The following PRSS58 variants were observed in gnomAD, a reference collection of about 807,000 sequenced individuals.
PRSS58 encodes the protein serine protease 58.
A neutral mutation model predicts 25.0 loss-of-function variants in PRSS58; 31 were observed. The ratio of observed to expected loss-of-function variants is 1.24; its 90% CI spans 0.93 to 1.67. The LOEUF is 1.67. PRSS58 is among the 40% of genes most tolerant of loss of function. The pLI is 0.00. For missense variants in PRSS58, 324 were observed against 287.9 expected, an observed-to-expected ratio of 1.13 and a Z score of -0.91; for synonymous variants, 119 against 106.1, an observed-to-expected ratio of 1.12 and a Z score of -0.75.
At chr7:142,254,683 A>C (rs1039003869) in intron 4 of PRSS58, among the ~76,000 whole-genome samples, 1 of 152,194 alleles carries the variant, frequency 6.6e-6, no homozygotes, top group African/African-American at 2.4e-5. Context: ...TCAAAGCTTC[A>C]AGTTGCTTTA....
chr7:142,254,873 T>C (rs1469744898), intron 4 of PRSS58, among the ~76,000 whole-genome samples, 182 bp downstream of exon 4: 1 of 148,988 alleles, frequency 6.7e-6, no homozygotes, highest in Non-Finnish European at 1.5e-5. Context: ...GATAGAAAGA[T>C]ACAGCGGGTG....
intron 2 of PRSS58, among the ~76,000 whole-genome samples, chr7:142,257,368 C>T (rs1477040354): frequency 2.6e-5 from 4 of 152,126 alleles, no homozygotes; most frequent in Non-Finnish European, 2.9e-5. Flanking sequence ...TCTGCTGTGC[C>T]CTCTGTGGTG....
At chr7:142,252,400 A>G (rs767155189) in intron 5 of PRSS58, 30 bp from the exon 6 acceptor site, 2 of 1,611,530 alleles carry the variant, frequency 1.2e-6, no homozygotes, top group Non-Finnish European at 1.7e-6. Context: ...AACAACAACA[A>G]AAAAGCAGAT....
chr7:142,257,629 C>A (rs752401431), intron 2 of PRSS58, 39 bp downstream of exon 2: 3 of 1,565,316 alleles, frequency 1.9e-6, no homozygotes, highest in South Asian at 1.1e-5. Flanking sequence ...CCCAGGATTT[C>A]TCTTTGGTGG....
At position 142,255,088 on chromosome 7, in the gene PRSS58, C is replaced by T; in HGVS notation, c.403G>A (p.Val135Ile). Residue 135 changes from valine (V) to isoleucine (I), a missense_variant, in exon 4 of 6, where the codon GTC becomes ATC. Val to Ile is a conservative substitution (Grantham distance 29). Transcript: ENST00000547058. The part of the protein sequence containing the change: ...QTISENTMCS[V>I]STWSYNVCDI... ...CACACATTGTAGCTCCAGGTAGAGA[C>T]AGAGCACATGGTATTTTCAGAGATA... 2 of 1,613,996 alleles carry T rather than the reference C, an allele frequency of 1.2e-6. No homozygotes were observed. Among genetic ancestry groups the T allele is most frequent in the Non-Finnish European group, 1.7e-6 (2 of 1,179,922 alleles).
rs1165715854 is a variant in PRSS58 at position 142,252,615 on chromosome 7, A to G, written c.437-4T>C. The G allele has an allele frequency of 2.1e-5, 34 of 1,602,832 alleles. No homozygotes were observed. The highest frequency in any genetic ancestry group is 2.7e-5 in the Non-Finnish European group (32 of 1,177,492). ...TGCAGTGAATCGGGCTCTTTGTCTA[A>G]AGAAAAGATAGAAGTCAAACTTCCT... On this transcript the variant is annotated splice_polypyrimidine_tract_variant and splice_region_variant and intron_variant, in intron 4 of 5. Coordinates refer to ENST00000547058, the MANE Select transcript of PRSS58 (RefSeq NM_001001317.5).
At position 142,255,292 on chromosome 7, in the gene PRSS58, C is replaced by T. The variant is rs201700029; in HGVS notation, c.199G>A (p.Gly67Arg). Residue 67 changes from glycine (G) to arginine (R), a missense_variant, in exon 4 of 6, where the codon GGG becomes AGG. Transcript: ENST00000547058. ...TTAGAGTCTGCTGGGATTGTAACCC[C>T]CAATATCACCCGAAGCTTTCTGGAA... The part of the protein sequence containing the change: ...CNLPKLRVIL[G>R]VTIPADSNEK... 3.1e-6 allele frequency: 5 copies of T among 1,613,814 alleles called. No homozygotes were observed. The East Asian group carries it at 8.9e-5, about 29-fold the overall frequency.
In PRSS58 at chr7:142,254,912, A is replaced by T. The variant is rs534075987; in HGVS notation, c.436+143T>A. The stretch of plus-strand genomic sequence containing the variant: ...AAAAAAAACCCAAAAACCTTGAAGC[A>T]CTCCTTCAGTGAGGTACAGAGAAAA... On this transcript the variant is annotated intron_variant, in intron 4 of 5. Transcript: ENST00000547058. The T allele has an allele frequency of 9.2e-6, 7 of 759,926 alleles. No individual in the cohort carries two copies. In the South Asian group the frequency reaches 9.4e-5, roughly 10 times the overall value. The allele number at this position is 759,926 out of a possible 1,614,324, so 47.1% of individuals were successfully genotyped here.
At chr7:142,256,244 A>G (rs952164908) in intron 2 of PRSS58, among the ~76,000 whole-genome samples, 1 of 152,250 alleles carries the variant, frequency 6.6e-6, no homozygotes, top group Admixed American at 6.5e-5. Context: ...TCCTGCTCTC[A>G]TATATTACAA....
chr7:142,257,354 A>G (rs1798575266), intron 2 of PRSS58, among the ~76,000 whole-genome samples: 1 of 152,184 alleles, frequency 6.6e-6, no homozygotes, highest in African/African-American at 2.4e-5. Flanking sequence ...TGATTCTTCA[A>G]TGTTCTGCTG....
In PRSS58 at chr7:142,255,063, C is replaced by T. The variant is rs1250686709; in HGVS notation, c.428G>A (p.Cys143Tyr). ...CSVSTWSYNV[C>Y]DIYKEPDSLQ... ...CATTGTCTTGAACTCACAGATATCA[C>T]ACACATTGTAGCTCCAGGTAGAGAC... The change falls in exon 4 of 6, where the codon TGT (cysteine) becomes TAT (tyrosine). Residue 143 changes from cysteine (C) to tyrosine (Y), a missense_variant. Physicochemically the swap from Cys to Tyr is radical, Grantham distance 194. Coordinates refer to ENST00000547058, the MANE Select transcript of PRSS58 (RefSeq NM_001001317.5). 4 of 1,613,952 alleles carry T rather than the reference C, an allele frequency of 2.5e-6. No individual in the cohort carries two copies. The highest frequency in any genetic ancestry group is 8.5e-7 in the Non-Finnish European group (1 of 1,179,940).
At chr7:142,255,365 A>T (rs1212204168) in intron 3 of PRSS58, 54 bp from the exon 4 acceptor site, 13 of 1,593,854 alleles carry the variant, frequency 8.2e-6, no homozygotes, top group Non-Finnish European at 1.1e-5. Flanking sequence ...CTTCTCCATC[A>T]TTATGAGCCT....
Position 142,252,542 on chromosome 7 carries a change from T to C in PRSS58, c.506A>G (p.Tyr169Cys), listed in dbSNP as rs754558082. The C allele has an allele frequency of 5.0e-6, 8 of 1,614,108 alleles. No individual in the cohort carries two copies. The Admixed American group carries it at 6.7e-5, about 13-fold the overall frequency. Residue 169 changes from tyrosine to cysteine, a missense_variant, in exon 5 of 6, where the codon TAT (tyrosine) becomes TGT (cysteine). Tyr to Cys is a radical substitution (Grantham distance 194). Transcript: ENST00000547058. ...VISKPQCRDA[Y>C]KTYNITENML... is the part of the protein sequence containing the mutation. ...ATTTTCCGTGATGTTGTAGGTTTTA[T>C]AGGCATCGCGACACTGAGGCTTGGA...
chr7:142,253,306 A>G (rs891266779), intron 4 of PRSS58, among the ~76,000 whole-genome samples: 5 of 152,242 alleles, frequency 3.3e-5, no homozygotes, highest in Non-Finnish European at 7.3e-5. Context: ...GGTCAAAACA[A>G]AACCGAGTAT....
Position 142,252,590 on chromosome 7 carries a change from T to G in PRSS58, c.458A>C (p.Gln153Pro), listed in dbSNP as rs1798487050. The G allele has an allele frequency of 6.2e-7, 1 of 1,613,546 alleles. No individual in the cohort carries two copies. Among genetic ancestry groups the G allele is most frequent in the South Asian group, 1.1e-5 (1 of 90,850 alleles). The part of the protein sequence containing the change: ...CDIYKEPDSL[Q>P]TVNISVISKP... ...GGAGATTACAGAGATGTTCACAGTT[T>G]GCAGTGAATCGGGCTCTTTGTCTAA... The change falls in exon 5 of 6, where the codon CAA becomes CCA. Residue 153 changes from glutamine to proline, a missense_variant. Transcript: ENST00000547058.
intron 1 of PRSS58, 61 bp downstream of exon 1, chr7:142,257,930 T>A: frequency 1.9e-6 from 1 of 532,934 alleles, no homozygotes; most frequent in South Asian, 3.0e-5. Context: ...TGGTCCCCAA[T>A]ACAGTTGAAA....
intron 2 of PRSS58, among the ~76,000 whole-genome samples, chr7:142,257,022 C>A (rs1798567269): frequency 6.6e-6 from 1 of 152,110 alleles, no homozygotes; most frequent in Admixed American, 6.6e-5. Context: ...AGAACTCGGC[C>A]TTGTTTCCTG....
Position 142,255,522 on chromosome 7 carries a change from G to C in PRSS58, c.179+13C>G. ...CCCAAAGAATGGAGTGCCTTTGAAG[G>C]CTTATCACTCACGGTAAATTGCAGT... On this transcript the variant is annotated intron_variant, in intron 3 of 5. Transcript: ENST00000547058. The C allele has an allele frequency of 6.2e-7, 1 of 1,613,996 alleles. No homozygotes were observed. Among genetic ancestry groups the C allele is most frequent in the Non-Finnish European group, 8.5e-7 (1 of 1,179,956 alleles).
Position 142,252,457 on chromosome 7 carries a change from T to A in PRSS58, c.576+15A>T, listed in dbSNP as rs184524600. 4.3e-6 allele frequency: 7 copies of A among 1,612,556 alleles called. No individual in the cohort carries two copies. In the Admixed American group the frequency reaches 6.7e-5, roughly 15 times the overall value. ...GGAAGAAAATGGGAAAATTAATGGA[T>A]GAAGAGTATTTTACCTTGCAGGGCT... On this transcript the variant is annotated intron_variant, in intron 5 of 5. Coordinates refer to ENST00000547058, the MANE Select transcript of PRSS58 (RefSeq NM_001001317.5).
Sources: allele counts gnomAD v4.1 joint callset (sites outside exome capture counted in the v4.1 genomes callset), GRCh38; gene constraint gnomAD v4.1.1; transcripts MANE v1.5; gene names NCBI Gene and HGNC (gene_info 2026-07-23, HGNC 2026-07-21).